CDCP1: variants seen among roughly 807,000 people sequenced by gnomAD.
The protein encoded by CDCP1 is CUB domain-containing protein 1.
Under a neutral mutation model 60.2 loss-of-function variants are expected in CDCP1, and 29 were observed. The observed-to-expected ratio is 0.48, with a 90% CI of 0.36 to 0.66. CDCP1 has a LOEUF of 0.66. Ranked by LOEUF, CDCP1 falls within the 30% of genes least tolerant of loss-of-function variation. The pLI, the probability that CDCP1 is intolerant of heterozygous loss-of-function variation, is 0.00. For synonymous variants in CDCP1, 387 were observed against 431.1 expected, an observed-to-expected ratio of 0.90 and a Z score of 1.27; for missense variants, 876 against 1,074.3, an observed-to-expected ratio of 0.82 and a Z score of 2.58.
intron 5 of CDCP1, 48 bp downstream of exon 5, chr3:45,095,299 G>A: frequency 2.6e-6 from 4 of 1,553,072 alleles, no homozygotes; most frequent in Non-Finnish European, 3.5e-6. Context: ...GGCGGGGAGA[G>A]AAGAGCTATC....
Position 45,093,636 on chromosome 3 carries a change from C to A in CDCP1, c.1268G>T (p.Cys423Phe). 6.2e-7 allele frequency: 1 copy of A among 1,613,132 alleles called. No homozygotes were observed. Among genetic ancestry groups the A allele is most frequent in the South Asian group, 1.1e-5 (1 of 90,944 alleles). The change falls in exon 6 of 9, where the codon TGC (cysteine) becomes TTC (phenylalanine). Residue 423 changes from cysteine to phenylalanine, a missense_variant. This residue lies in a region of CDCP1 where 726 missense variants were observed against 935.7 expected (regional missense o/e 0.78). Transcript: ENST00000296129. ...KTISCTDHRY[C>F]QRKSYSLQVP... Reference sequence around the variant, plus strand: ...CTGGAGTGAGTAGGATTTCCTTTGGCAGTACCGGTGGTCTGTGCAGCCTGG... The same window carrying A: ...CTGGAGTGAGTAGGATTTCCTTTGGAAGTACCGGTGGTCTGTGCAGCCTGG...
In CDCP1 at chr3:45,085,945, G is replaced by T. The variant is rs1483703994; in HGVS notation, c.2204C>A (p.Ala735Glu). 2 of 1,614,044 alleles carry T rather than the reference G, an allele frequency of 1.2e-6. No individual in the cohort carries two copies. The highest frequency in any genetic ancestry group is 1.7e-6 in the Non-Finnish European group (2 of 1,180,016). The stretch of plus-strand genomic sequence containing the variant: ...ATATACCATGGTGTCCTCGATGACT[G>T]CATACACATGGGAGTCATTGTCCTT... ...GRKDNDSHVY[A>E]VIEDTMVYGH... Residue 735 changes from alanine to glutamate, a missense_variant, in exon 9 of 9, where the codon GCA (alanine) becomes GAA (glutamate). Coordinates refer to ENST00000296129, the MANE Select transcript of CDCP1 (RefSeq NM_022842.5). This position sits in a 1 kb window ranked among gnomAD's most constrained non-coding sequence, Gnocchi z 4.2.
chr3:45,090,832 G>A (rs1698280164), intron 7 of CDCP1, among the ~76,000 whole-genome samples: 1 of 152,166 alleles, frequency 6.6e-6, no homozygotes, highest in Non-Finnish European at 1.5e-5. Flanking sequence ...TGTCTCAGAT[G>A]ATCTTGGCTG....
intron 1 of CDCP1, among the ~76,000 whole-genome samples, chr3:45,124,254 G>A (rs751525280): frequency 1.3e-5 from 2 of 152,178 alleles, no homozygotes; most frequent in African/African-American, 2.4e-5. Flanking sequence ...GATAAACACC[G>A]GAAGTCATTT....
At chr3:45,111,630 G>T (rs1387017974) in intron 3 of CDCP1, among the ~76,000 whole-genome samples, 1 of 152,198 alleles carries the variant, frequency 6.6e-6, no homozygotes, top group Non-Finnish European at 1.5e-5. Flanking sequence ...AGCCAAGACA[G>T]TGCCACTGCA....
chr3:45,093,046 G>A (rs546601852), intron 6 of CDCP1, among the ~76,000 whole-genome samples: 3 of 152,170 alleles, frequency 2.0e-5, no homozygotes, highest in Admixed American at 6.5e-5. Context: ...ACCAACCATC[G>A]CCTCTCACTG....
chr3:45,093,148 T>C, intron 6 of CDCP1, 129 bp downstream of exon 6: 3 of 1,041,798 alleles, frequency 2.9e-6, no homozygotes, highest in East Asian at 4.8e-5. Context: ...TCAAATTTCT[T>C]GTGCAAGGAC....
chr3:45,135,556 C>T (rs886358664), intron 1 of CDCP1, among the ~76,000 whole-genome samples: 1 of 152,314 alleles, frequency 6.6e-6, no homozygotes. Context: ...AGGATTAACT[C>T]TGAATTGCGT....
At chr3:45,138,046 T>C (rs1025636786) in intron 1 of CDCP1, among the ~76,000 whole-genome samples, 3 of 152,184 alleles carry the variant, frequency 2.0e-5, no homozygotes, top group South Asian at 4.1e-4. Context: ...CACCCGGTCA[T>C]GAAGATAGCT....
At chr3:45,087,611 G>A (rs1475027823) in intron 8 of CDCP1, among the ~76,000 whole-genome samples, 1 of 152,152 alleles carries the variant, frequency 6.6e-6, no homozygotes, top group Non-Finnish European at 1.5e-5. Context: ...CACTTCTCAT[G>A]GGGAAAAGAC....
At chr3:45,089,454 G>A (rs1399442144) in intron 7 of CDCP1, among the ~76,000 whole-genome samples, 2 of 152,176 alleles carry the variant, frequency 1.3e-5, no homozygotes, top group Non-Finnish European at 2.9e-5. Context: ...CCACCATGCT[G>A]TGAGAAAGCC....
chr3:45,093,902 G>C (rs1698350343), intron 5 of CDCP1, among the ~76,000 whole-genome samples: 1 of 152,102 alleles, frequency 6.6e-6, no homozygotes, highest in African/African-American at 2.4e-5. Flanking sequence ...TAGTACTCAG[G>C]GTTGAAATTT....
At chr3:45,098,693 A>G (rs1173425676) in intron 4 of CDCP1, among the ~76,000 whole-genome samples, 5 of 151,944 alleles carry the variant, frequency 3.3e-5, no homozygotes, top group African/African-American at 9.7e-5. Flanking sequence ...AGTTAGCGTC[A>G]TATTTTCAGC....
chr3:45,145,992 G>A (rs1356895136), intron 1 of CDCP1, among the ~76,000 whole-genome samples: 1 of 151,970 alleles, frequency 6.6e-6, no homozygotes, highest in Non-Finnish European at 1.5e-5. Flanking sequence ...ACTCCAGGAG[G>A]GCAAGGCCCA....
At chr3:45,108,841 ATGCATGTATACATATATATGCATG>A in intron 4 of CDCP1, among the ~76,000 whole-genome samples, 2 of 67,154 alleles carry the variant, frequency 3.0e-5, no homozygotes, top group African/African-American at 1.1e-4. Context: ...ATATATATAT[ATGCATGTATACATATATATGCATG>A]TATATATATA....
intron 1 of CDCP1, among the ~76,000 whole-genome samples, chr3:45,127,812 T>C (rs1699028915): frequency 6.6e-6 from 1 of 152,146 alleles, no homozygotes; most frequent in South Asian, 2.1e-4. Context: ...TCATTCTCCC[T>C]CTGAGAAGTA....
chr3:45,132,705 C>T (rs74360772), intron 1 of CDCP1, among the ~76,000 whole-genome samples: 2,613 of 152,310 alleles, frequency 0.017, 78 homozygotes, highest in African/African-American at 0.058. Flanking sequence ...CTGTGCAGAG[C>T]TTTTACAAGC....
At chr3:45,111,296 A>G (rs1698688493) in intron 3 of CDCP1, among the ~76,000 whole-genome samples, 1 of 152,248 alleles carries the variant, frequency 6.6e-6, no homozygotes, top group African/African-American at 2.4e-5. Context: ...TGTTTTAAAA[A>G]TAATTTATTT....
chr3:45,145,294 T>C (rs1320973557), intron 1 of CDCP1, among the ~76,000 whole-genome samples: 6 of 152,160 alleles, frequency 3.9e-5, no homozygotes, highest in Non-Finnish European at 5.9e-5. Context: ...GAGAGCTCTA[T>C]TTAAAAAACA....
Sources: allele counts gnomAD v4.1 joint callset (sites outside exome capture counted in the v4.1 genomes callset), GRCh38; gene constraint gnomAD v4.1.1; regional missense constraint gnomAD v4.1.1; non-coding constraint Gnocchi (gnomAD v3.1); transcripts MANE v1.5; gene names NCBI Gene and HGNC (gene_info 2026-07-23, HGNC 2026-07-21).